CCDC91: variants seen among roughly 807,000 people sequenced by gnomAD.
CCDC91 encodes the protein coiled-coil domain-containing protein 91.
CCDC91 carries 48 observed loss-of-function variants against 63.2 expected under a neutral mutation model. That is an observed-to-expected ratio of 0.76 (90% CI 0.60 to 0.97). The LOEUF is 0.97. CCDC91 is among the 50% of genes least tolerant of loss of function. The pLI, the probability that CCDC91 is intolerant of heterozygous loss-of-function variation, is 0.00. For missense variants in CCDC91, 500 were observed against 494.6 expected (o/e 1.01, Z -0.10); for synonymous variants, 167 against 165.8 (o/e 1.01, Z -0.06).
At chr12:28,425,060 G>A (rs1948232506) in intron 8 of CCDC91, among the ~76,000 whole-genome samples, 1 of 152,000 alleles carries the variant, frequency 6.6e-6, no homozygotes, top group African/African-American at 2.4e-5. Context: ...TTTTTTTTCA[G>A]CCTGACCATA....
At chr12:28,501,068 A>G (rs1397936104) in intron 12 of CCDC91, among the ~76,000 whole-genome samples, 1 of 151,782 alleles carries the variant, frequency 6.6e-6, no homozygotes, top group Admixed American at 6.6e-5. Flanking sequence ...AGTGGTTCAT[A>G]GTAAAATACA....
chr12:28,407,714 C>T (rs1179264233), intron 8 of CCDC91, among the ~76,000 whole-genome samples: 1 of 151,990 alleles, frequency 6.6e-6, no homozygotes, highest in Non-Finnish European at 1.5e-5. Context: ...AGTCTTTGTA[C>T]CTATGAACCA....
chr12:28,484,430 TTACAAAGA>T (rs1951612117), intron 12 of CCDC91, among the ~76,000 whole-genome samples: 1 of 152,182 alleles, frequency 6.6e-6, no homozygotes, highest in Non-Finnish European at 1.5e-5. Context: ...TTAGCTTTAC[TTACAAAGA>T]TAATAGACAG....
intron 11 of CCDC91, among the ~76,000 whole-genome samples, chr12:28,470,752 C>G (rs1950774323): frequency 6.6e-6 from 1 of 152,080 alleles, no homozygotes; most frequent in South Asian, 2.1e-4. Context: ...ACTATTCAGC[C>G]ATAGAAATGA....
At chr12:28,214,770 T>C (rs1305874481) in intron 1 of CCDC91, among the ~76,000 whole-genome samples, 1 of 152,198 alleles carries the variant, frequency 6.6e-6, no homozygotes, top group Non-Finnish European at 1.5e-5. Flanking sequence ...AAGGGGCTAA[T>C]ACATTTCCAG....
chr12:28,435,511 G>A (rs143384993), intron 8 of CCDC91, among the ~76,000 whole-genome samples: 23 of 151,820 alleles, frequency 1.5e-4, no homozygotes, highest in Non-Finnish European at 3.0e-4. Context: ...ATTTTTGAAG[G>A]TTTGTTTTAT....
chr12:28,450,371 G>T lies in CCDC91; in HGVS notation c.877G>T (p.Glu293Ter). ...EQKEILEKCL[E>*]EERQRNKEAL... ...ACAGGAAATATTGGAAAAGTGTTTG[G>T]AGGAAGAAAGGCAAAGAAATAAAGA... Residue 293 changes from glutamate to a stop codon, truncating the protein, a stop_gained, in exon 10 of 13, where the codon GAG becomes TAG. Coordinates refer to ENST00000536442, the MANE Select transcript of CCDC91 (RefSeq NM_018318.5). LOFTEE classifies it high-confidence loss of function. 1 of 1,612,040 alleles carries T rather than the reference G, an allele frequency of 6.2e-7. No homozygotes were observed. Among genetic ancestry groups the T allele is most frequent in the Admixed American group, 1.7e-5 (1 of 59,946 alleles).
rs995789537 is a variant in CCDC91, at chr12:28,391,453, C to T, written c.762+42C>T. 2.5e-6 allele frequency: 3 copies of T among 1,186,426 alleles called. No individual in the cohort carries two copies. The South Asian group carries it at 3.7e-5, about 15-fold the overall frequency. The allele number at this position is 1,186,426 out of a possible 1,614,324, so 73.5% of individuals were successfully genotyped here. A position where few individuals can be genotyped will look rare whatever the true frequency, so the allele number is the denominator to read the frequency against. On this transcript the variant is annotated intron_variant, in intron 8 of 12. Coordinates refer to ENST00000536442, the MANE Select transcript of CCDC91 (RefSeq NM_018318.5). ...TCCATTATATATTTATACTTTTCCC[C>T]TGACTCTCTCCCCTGAGAGCTCTAT...
intron 7 of CCDC91, among the ~76,000 whole-genome samples, chr12:28,364,495 T>G (rs1413066374): frequency 6.6e-6 from 1 of 152,256 alleles, no homozygotes; most frequent in Non-Finnish European, 1.5e-5. Flanking sequence ...AGTTTTACAG[T>G]TATTGAGTTG....
At chr12:28,484,270 C>T (rs1260665403) in intron 12 of CCDC91, 105 bp downstream of exon 12, 2 of 533,140 alleles carry the variant, frequency 3.8e-6, no homozygotes, top group South Asian at 2.9e-5. Flanking sequence ...CCTGTGTCAT[C>T]TAACTTACGG....
intron 3 of CCDC91, among the ~76,000 whole-genome samples, chr12:28,274,194 G>A (rs1948016410): frequency 1.3e-5 from 2 of 152,060 alleles, no homozygotes; most frequent in Admixed American, 6.6e-5. Context: ...TGTTCCATTG[G>A]TCTGTGTCTC....
In CCDC91 at chr12:28,549,255, T is replaced by G; in HGVS notation, c.*82T>G. ...ACACACTCTGAATTATAAAGATGTG[T>G]TTGTTTTCTTTCCAAATCATGTAGA... is the stretch of plus-strand genomic sequence containing the variant. On this transcript the variant is annotated 3_prime_UTR_variant, in exon 13 of 13. Transcript: ENST00000536442. 1 of 759,952 alleles carries G rather than the reference T, an allele frequency of 1.3e-6. No homozygotes were observed. The highest frequency in any genetic ancestry group is 2.2e-5 in the Admixed American group (1 of 45,440). The allele number at this position is 759,952 out of a possible 1,614,324, so 47.1% of individuals were successfully genotyped here. A position where few individuals can be genotyped will look rare whatever the true frequency, so the allele number is the denominator to read the frequency against.
chr12:28,395,166 C>T (rs1404527131), intron 8 of CCDC91, among the ~76,000 whole-genome samples: 1 of 152,140 alleles, frequency 6.6e-6, no homozygotes, highest in Non-Finnish European at 1.5e-5. Flanking sequence ...TTTGGTGTCA[C>T]TGTTGTATAT....
At chr12:28,263,854 T>G (rs901297223) in intron 3 of CCDC91, among the ~76,000 whole-genome samples, 11 of 152,036 alleles carry the variant, frequency 7.2e-5, no homozygotes, top group Non-Finnish European at 1.2e-4. Context: ...TTGTTAACTC[T>G]TCTTGATTAT....
chr12:28,278,506 C>T (rs1222697634), intron 3 of CCDC91, among the ~76,000 whole-genome samples: 1 of 152,042 alleles, frequency 6.6e-6, no homozygotes, highest in Non-Finnish European at 1.5e-5. Flanking sequence ...CACACTTGAA[C>T]TCTTATTTCT....
intron 12 of CCDC91, among the ~76,000 whole-genome samples, chr12:28,536,050 T>G (rs1942150303): frequency 6.6e-6 from 1 of 151,032 alleles, no homozygotes; most frequent in South Asian, 2.1e-4. Flanking sequence ...AAAATATATA[T>G]TGTGGGAAAT....
intron 7 of CCDC91, among the ~76,000 whole-genome samples, chr12:28,383,829 C>T (rs568232661): frequency 6.6e-6 from 1 of 152,126 alleles, no homozygotes; most frequent in South Asian, 2.1e-4. Context: ...AATGTTTCTC[C>T]TCTAATACAA....
chr12:28,514,979 C>T (rs1420594733), intron 12 of CCDC91, among the ~76,000 whole-genome samples: 2 of 151,616 alleles, frequency 1.3e-5, no homozygotes, highest in African/African-American at 4.8e-5. Context: ...CAAAAGTTGA[C>T]CTATGTAACA....
intron 12 of CCDC91, among the ~76,000 whole-genome samples, chr12:28,517,929 C>G (rs1206655779): frequency 6.6e-6 from 1 of 151,944 alleles, no homozygotes; most frequent in Non-Finnish European, 1.5e-5. Flanking sequence ...GAATAATAGT[C>G]TCTGGTCCGA....
Sources: allele counts gnomAD v4.1 joint callset (sites outside exome capture counted in the v4.1 genomes callset), GRCh38; gene constraint gnomAD v4.1.1; transcripts MANE v1.5; gene names NCBI Gene and HGNC (gene_info 2026-07-23, HGNC 2026-07-21).